The following MMAB variants were observed in gnomAD, a reference collection of about 807,000 sequenced individuals.
MMAB encodes corrinoid adenosyltransferase MMAB.
MMAB carries 17 observed loss-of-function variants against 30.6 expected under a neutral mutation model. The observed-to-expected ratio is 0.56, with a 90% CI of 0.38 to 0.83. MMAB has a LOEUF of 0.83. Ranked by LOEUF, MMAB falls within the 40% of genes least tolerant of loss-of-function variation. MMAB has a pLI of 0.00. For synonymous variants in MMAB, 134 were observed against 138.6 expected (o/e 0.97, Z 0.23); for missense variants, 311 against 331.6 (o/e 0.94, Z 0.48).
intron 3 of MMAB, chr12:109,567,049 AG>A (rs1884456063): frequency 2.2e-6 from 1 of 456,084 alleles, no homozygotes; most frequent in Non-Finnish European, 4.4e-6. Flanking sequence ...AGCCAGGAAC[AG>A]GTAAGTGTTA....
chr12:109,567,153 A>G, intron 3 of MMAB: 1 of 405,092 alleles, frequency 2.5e-6, no homozygotes, highest in Non-Finnish European at 4.9e-6. Flanking sequence ...CTGGGCAACA[A>G]GCGCGAAACT....
intron 7 of MMAB, 149 bp downstream of exon 7, chr12:109,560,891 G>T: frequency 1.3e-6 from 1 of 795,800 alleles, no homozygotes. Flanking sequence ...GGATGGCTCA[G>T]AGATGGCCCT....
At chr12:109,565,994 A>C (rs1012055057) in intron 3 of MMAB, among the ~76,000 whole-genome samples, 2 of 152,232 alleles carry the variant, frequency 1.3e-5, no homozygotes, top group African/African-American at 4.8e-5. Flanking sequence ...GGGAAGGGAC[A>C]ATTCACAGAG....
Position 109,559,097 on chromosome 12 carries a change from T to C in MMAB, c.643A>G (p.Arg215Gly), listed in dbSNP as rs1291926720. ...AACCCCCAGGTTCCACGCGAGTACC[T>C]GTTTAAGAACTTGGCCACGTTCGCA... ...TDANVAKFLN[R>G]LSDYLFTLAR... The change falls in exon 8 of 9, where the codon AGA becomes GGA. Residue 215 changes from arginine to glycine, a missense_variant and splice_region_variant. Coordinates refer to ENST00000545712, the MANE Select transcript of MMAB (RefSeq NM_052845.4). 2 of 1,613,208 alleles carry C rather than the reference T, an allele frequency of 1.2e-6. No homozygotes were observed. The highest frequency in any genetic ancestry group is 2.2e-5 in the East Asian group (1 of 44,888).
chr12:109,561,130 G>A lies in MMAB; in HGVS notation c.520-26C>T. On this transcript the variant is annotated intron_variant, in intron 6 of 8. Transcript: ENST00000545712. This position sits in a 1 kb window ranked among gnomAD's most constrained non-coding sequence, Gnocchi z 5.3. ...CTGAAAGGAGAAAGGGACATTGCCT[G>A]AGCAGGGTGGGAAAGGTGTGCCCAC... The A allele has an allele frequency of 6.2e-7, 1 of 1,607,180 alleles. No individual in the cohort carries two copies. The highest frequency in any genetic ancestry group is 8.5e-7 in the Non-Finnish European group (1 of 1,179,902).
At position 109,561,833 on chromosome 12, in the gene MMAB, TC is replaced by T. The variant is rs1387128853; in HGVS notation, c.367del (p.Asp123ThrfsTer18). 1.4e-5 allele frequency: 23 copies of T among 1,607,690 alleles called. No homozygotes were observed. The highest frequency in any genetic ancestry group is 2.0e-5 in the Non-Finnish European group (23 of 1,176,834). On this transcript the variant is annotated frameshift_variant, in exon 5 of 9. Transcript: ENST00000545712. LOFTEE classifies it high-confidence loss of function. This position sits in a 1 kb window ranked among gnomAD's most constrained non-coding sequence, Gnocchi z 5.3. The stretch of plus-strand genomic sequence containing the variant: ...TGGTGTCGCCAGGGCCGAGCCGACG[TC>T]CTGCAATGTGCACTGGATCTGGGGG... ...ELQKIQCTLQ[D>X]VGSALATPCS...
intron 2 of MMAB, 63 bp from the exon 3 acceptor site, chr12:109,568,926 T>A: frequency 8.2e-7 from 1 of 1,216,398 alleles, no homozygotes; most frequent in Non-Finnish European, 1.2e-6. Flanking sequence ...GCTGTTTTTT[T>A]TTTTTTAAAC....
chr12:109,557,949 G>A (rs949595272), intron 8 of MMAB, among the ~76,000 whole-genome samples: 3 of 152,314 alleles, frequency 2.0e-5, no homozygotes, highest in African/African-American at 2.4e-5. Flanking sequence ...CCCAGAAGGC[G>A]CTTACGCTGT....
At chr12:109,573,307 A>C (rs1884728421) in intron 1 of MMAB, 40 bp downstream of exon 1, 2 of 1,611,614 alleles carry the variant, frequency 1.2e-6, no homozygotes, top group Non-Finnish European at 1.7e-6. Flanking sequence ...ACCACGATTC[A>C]CGGCAGGTGT....
intron 2 of MMAB, among the ~76,000 whole-genome samples, chr12:109,570,934 A>G (rs576618681): frequency 1.3e-5 from 2 of 150,710 alleles, no homozygotes; most frequent in South Asian, 4.2e-4. Context: ...TTTTTTCTAT[A>G]TAACATGTTC....
At position 109,556,663 on chromosome 12, in the gene MMAB, C is replaced by T. The variant is rs766528924; in HGVS notation, c.*365G>A. 1 of 458,666 alleles carries T rather than the reference C, an allele frequency of 2.2e-6. No individual in the cohort carries two copies. Among genetic ancestry groups the T allele is most frequent in the South Asian group, 1.6e-5 (1 of 63,924 alleles). The allele number at this position is 458,666 out of a possible 1,614,324, so 28.4% of individuals were successfully genotyped here. The stretch of plus-strand genomic sequence containing the variant: ...GGGCTCTCTCTCACACACACACACA[C>T]ACACACACACACACACACACACACA... On this transcript the variant is annotated 3_prime_UTR_variant, in exon 9 of 9. Transcript: ENST00000545712.
intron 2 of MMAB, chr12:109,570,063 A>T: frequency 3.3e-6 from 1 of 301,122 alleles, no homozygotes; most frequent in Non-Finnish European, 6.8e-6. Flanking sequence ...GGAGTTCGAG[A>T]CTAGCCTGGC....
Position 109,561,189 on chromosome 12 carries a change from C to A in MMAB, c.520-85G>T. ...GGAGCTCCTCTGAAGTCCAGCCCTG[C>A]CCCCCAAACCGGGCAGTGTTCTGCC... On this transcript the variant is annotated intron_variant, in intron 6 of 8. Transcript: ENST00000545712. This position sits in a 1 kb window ranked among gnomAD's most constrained non-coding sequence, Gnocchi z 5.3. The A allele has an allele frequency of 1.9e-6, 3 of 1,593,220 alleles. No homozygotes were observed. Among genetic ancestry groups the A allele is most frequent in the Non-Finnish European group, 2.6e-6 (3 of 1,174,028 alleles).
In MMAB at chr12:109,561,300, A is replaced by G. The variant is rs534545661; in HGVS notation, c.519+120T>C. 1 of 1,559,450 alleles carries G rather than the reference A, an allele frequency of 6.4e-7. No homozygotes were observed. Among genetic ancestry groups the G allele is most frequent in the Non-Finnish European group, 8.6e-7 (1 of 1,159,844 alleles). ...GAGGGACCGGTGAGGACCTGGAGGG[A>G]CTTGGGGAACTGGAGGACAGCGTCT... On this transcript the variant is annotated intron_variant, in intron 6 of 8. Transcript: ENST00000545712. This position sits in a 1 kb window ranked among gnomAD's most constrained non-coding sequence, Gnocchi z 5.3.
chr12:109,558,761 G>A lies in MMAB; in HGVS notation c.644+335C>T, dbSNP rs536232650. On this transcript the variant is annotated intron_variant, in intron 8 of 8. Coordinates refer to ENST00000545712, the MANE Select transcript of MMAB (RefSeq NM_052845.4). This position sits in a 1 kb window ranked among gnomAD's most constrained non-coding sequence, Gnocchi z 4.3. ...CCTGGCTCCCTGGTCAGTCACCACC[G>A]AGAGGCCTCCCCTGAGCACCCAGCC... Among the ~76,000 whole-genome samples, 2 of 152,126 alleles carry A rather than the reference G, an allele frequency of 1.3e-5. No homozygotes were observed. Among genetic ancestry groups the A allele is most frequent in the Middle Eastern group, 3.4e-3 (1 of 294 alleles).
rs757959574 is a variant in MMAB at position 109,557,053 on chromosome 12, G to A, written c.728C>T (p.Pro243Leu). 6.2e-7 allele frequency: 1 copy of A among 1,612,612 alleles called. No individual in the cohort carries two copies. Among genetic ancestry groups the A allele is most frequent in the Admixed American group, 1.7e-5 (1 of 60,032 alleles). Residue 243 changes from proline (P) to leucine (L), a missense_variant, in exon 9 of 9, where the codon CCA (proline) becomes CTA (leucine). Transcript: ENST00000545712. ...TCAGAGTCCCTCAGACTCGGCCGAT[G>A]GGTCATTTTTCATGTATATTTTCTC... ...NQEKIYMKNDPSAESEGL is the reference protein window; with the variant it reads ...NQEKIYMKNDLSAESEGL
chr12:109,560,468 G>T (rs193058728), intron 7 of MMAB, among the ~76,000 whole-genome samples: 12 of 152,320 alleles, frequency 7.9e-5, no homozygotes, highest in Admixed American at 7.8e-4. Context: ...CTGGCAGCCT[G>T]GTCTCTGAGT....
At position 109,561,375 on chromosome 12, in the gene MMAB, G is replaced by A; in HGVS notation, c.519+45C>T. ...TCAGAGCCCATGTGTGTCTGTCACTGAACCTGCCTGCAGCCGCCCCCGGTT... is the reference window on the plus strand; with the variant it reads ...TCAGAGCCCATGTGTGTCTGTCACTAAACCTGCCTGCAGCCGCCCCCGGTT... On this transcript the variant is annotated intron_variant, in intron 6 of 8. Transcript: ENST00000545712. This position sits in a 1 kb window ranked among gnomAD's most constrained non-coding sequence, Gnocchi z 5.3. The A allele has an allele frequency of 6.5e-7, 1 of 1,545,024 alleles. No homozygotes were observed.
rs144410120 is a variant in MMAB, at chr12:109,559,277, C to T, written c.585-122G>A. ...CGCTCAACCTGAACCTGCACAGGCTCGGCCGGCAGTGGAGATGACAAATCC... is the reference window on the plus strand; with the variant it reads ...CGCTCAACCTGAACCTGCACAGGCTTGGCCGGCAGTGGAGATGACAAATCC... On this transcript the variant is annotated intron_variant, in intron 7 of 8. Coordinates refer to ENST00000545712, the MANE Select transcript of MMAB (RefSeq NM_052845.4). 267 of 774,796 alleles carry T rather than the reference C, an allele frequency of 3.4e-4. 1 individual carries two copies. Among genetic ancestry groups the T allele is most frequent in the African/African-American group, 2.8e-3 (166 of 58,928 alleles). The allele number at this position is 774,796 out of a possible 1,614,324, so 48.0% of individuals were successfully genotyped here.
Sources: allele counts gnomAD v4.1 joint callset (sites outside exome capture counted in the v4.1 genomes callset), GRCh38; gene constraint gnomAD v4.1.1; non-coding constraint Gnocchi (gnomAD v3.1); transcripts MANE v1.5; gene names NCBI Gene and HGNC (gene_info 2026-07-23, HGNC 2026-07-21).